Variants in KANSL3 observed in about 807,000 individuals in gnomAD.
The protein encoded by KANSL3 is NSL complex protein NSL3.
Under a neutral mutation model 89.2 loss-of-function variants are expected in KANSL3, and 16 were observed. That is an observed-to-expected ratio of 0.18 (90% CI 0.12 to 0.27). KANSL3 has a LOEUF of 0.27. Among genes scored for constraint, KANSL3 ranks in the 10% least tolerant of loss-of-function variants. The pLI is 1.00. For missense variants in KANSL3, 879 were observed against 1,110.6 expected (o/e 0.79, Z 2.96); for synonymous variants, 385 against 419.7 (o/e 0.92, Z 1.01).
At chr2:96,634,227 TAA>T (rs2073917903) in intron 2 of KANSL3, 2 of 152,150 alleles carry the variant, frequency 1.3e-5, no homozygotes, top group East Asian at 1.9e-4. Context: ...TTTCATATTT[TAA>T]AATGAGATCT....
intron 5 of KANSL3, among the ~76,000 whole-genome samples, chr2:96,616,899 G>C (rs190869665): frequency 1.3e-5 from 2 of 152,292 alleles, no homozygotes; most frequent in East Asian, 3.9e-4. Flanking sequence ...AACTTAAATA[G>C]GGCAGCAGTA....
At chr2:96,631,095 G>A (rs990379387) in intron 3 of KANSL3, among the ~76,000 whole-genome samples, 2 of 152,108 alleles carry the variant, frequency 1.3e-5, no homozygotes, top group South Asian at 2.1e-4. Flanking sequence ...GCCAGACAAC[G>A]TCCTAGTGTG....
intron 3 of KANSL3, among the ~76,000 whole-genome samples, chr2:96,623,672 C>G (rs2071743577): frequency 6.6e-6 from 1 of 152,134 alleles, no homozygotes; most frequent in South Asian, 2.1e-4. Context: ...TACCTAGGGA[C>G]AAGGGTTCTA....
At chr2:96,634,881 T>C (rs937541032) in intron 2 of KANSL3, among the ~76,000 whole-genome samples, 3 of 152,216 alleles carry the variant, frequency 2.0e-5, no homozygotes, top group African/African-American at 7.2e-5. Context: ...CCCTAACTCA[T>C]GGCACCACCC....
intron 3 of KANSL3, among the ~76,000 whole-genome samples, chr2:96,620,559 C>T (rs1017458265): frequency 2.1e-4 from 32 of 152,138 alleles, no homozygotes; most frequent in Non-Finnish European, 4.0e-4. Flanking sequence ...TGATATGGAG[C>T]TTATTATTGT....
chr2:96,631,529 G>A (rs754312468), intron 2 of KANSL3, 47 bp from the exon 3 acceptor site: 12 of 1,550,780 alleles, frequency 7.7e-6, no homozygotes. Context: ...TACTTCACAG[G>A]TATTTAACAA....
chr2:96,580,865 A>G, the KANSL3 span, among the ~76,000 whole-genome samples: 165 of 152,328 alleles, frequency 1.1e-3, no homozygotes, highest in African/African-American at 3.8e-3. Context: ...ATTCCAGCCC[A>G]TGAGATAACT....
chr2:96,601,653 G>A lies in KANSL3; in HGVS notation c.2606C>T (p.Ser869Phe), dbSNP rs553308221. 9 of 1,613,594 alleles carry A rather than the reference G, an allele frequency of 5.6e-6. No individual in the cohort carries two copies. The highest frequency in any genetic ancestry group is 3.3e-5 in the South Asian group (3 of 91,012). ...SEESSSQVLP[S>F]SSQRLPPAP Reference sequence around the variant, plus strand: ...TCCTGGCAGACTCACCTGTGAGCTGGAGGGCAGCACCTGGGAAGAGGACTC... The same window carrying A: ...TCCTGGCAGACTCACCTGTGAGCTGAAGGGCAGCACCTGGGAAGAGGACTC... Residue 869 changes from serine to phenylalanine, a missense_variant, in exon 20 of 21, where the codon TCC becomes TTC. By Grantham distance (155) the Ser-to-Phe change is radical. This residue lies in a region of KANSL3 where 61 missense variants were observed against 61.7 expected (regional missense o/e 0.99). Coordinates refer to ENST00000431828, the MANE Select transcript of KANSL3 (RefSeq NM_001115016.3).
intron 1 of KANSL3, 195 bp downstream of exon 1, chr2:96,638,088 G>C (rs2074513762): frequency 1.3e-5 from 2 of 152,548 alleles, no homozygotes; most frequent in African/African-American, 2.4e-5. Context: ...CCGCGTCACG[G>C]AGGCCCAGAC....
rs1176720184 is a variant in KANSL3, at chr2:96,608,576, C to T, written c.1673G>A (p.Gly558Glu). 1 of 1,613,930 alleles carries T rather than the reference C, an allele frequency of 6.2e-7. No homozygotes were observed. Among genetic ancestry groups the T allele is most frequent in the African/African-American group, 1.3e-5 (1 of 74,932 alleles). ...ATGTCTCTTCAGCAGCTGAGAACTT[C>T]CAATCTGACTGGACTTCTGGGCAGA... is the stretch of plus-strand genomic sequence containing the variant. ...VTSAQKSSQI[G>E]SSQLLKRHVQ... The change falls in exon 14 of 21, where the codon GGA becomes GAA. Residue 558 changes from glycine (G) to glutamate (E), a missense_variant. By Grantham distance (98) the Gly-to-Glu change is moderately conservative (BLOSUM62 -2). This residue lies in a region of KANSL3 where 317 missense variants were observed against 311.2 expected (regional missense o/e 1.02). Transcript: ENST00000431828.
intron 11 of KANSL3, among the ~76,000 whole-genome samples, chr2:96,610,046 G>A (rs1449607588): frequency 6.7e-6 from 1 of 149,412 alleles, no homozygotes; most frequent in Non-Finnish European, 1.5e-5. Flanking sequence ...AGGAGACATG[G>A]CAACTAAATC....
At chr2:96,630,590 AAATT>A (rs1291340885) in intron 3 of KANSL3, among the ~76,000 whole-genome samples, 1 of 152,256 alleles carries the variant, frequency 6.6e-6, no homozygotes, top group East Asian at 1.9e-4. Flanking sequence ...AATGTTTATC[AAATT>A]GATAGTGGTG....
Position 96,604,858 on chromosome 2 carries a change from C to G in KANSL3, c.1939G>C (p.Gly647Arg), listed in dbSNP as rs764572039. 6.3e-7 allele frequency: 1 copy of G among 1,590,812 alleles called. No homozygotes were observed. The highest frequency in any genetic ancestry group is 8.6e-7 in the Non-Finnish European group (1 of 1,168,644). The change falls in exon 16 of 21, where the codon GGT becomes CGT. Residue 647 changes from glycine to arginine, a missense_variant. Coordinates refer to ENST00000431828, the MANE Select transcript of KANSL3 (RefSeq NM_001115016.3). ...PSQGSAPEAA[G>R]GKPITMTLGQ... ...AGTGTCATGGTGATGGGCTTCCCAC[C>G]TGCAGCTTCAAAACAGAAAACCCCA...
At chr2:96,600,168 T>TA (rs1020645314) in intron 20 of KANSL3, among the ~76,000 whole-genome samples, 2 of 151,970 alleles carry the variant, frequency 1.3e-5, no homozygotes, top group African/African-American at 2.4e-5. Context: ...ACATGATTTA[T>TA]AAAAAAAGGC....
chr2:96,635,503 T>C (rs189522439), intron 2 of KANSL3, among the ~76,000 whole-genome samples: 3 of 152,136 alleles, frequency 2.0e-5, no homozygotes, highest in African/African-American at 7.2e-5. Flanking sequence ...GAAGCTAATA[T>C]GCAGCAAAAA....
chr2:96,614,978 G>T (rs957054785), intron 5 of KANSL3: 1 of 150,980 alleles, frequency 6.6e-6, no homozygotes, highest in South Asian at 2.1e-4. Context: ...CATTAAGTGG[G>T]ATAAAACAGA....
chr2:96,596,128 G>A (rs1432974846), intron 20 of KANSL3, among the ~76,000 whole-genome samples: 19 of 152,206 alleles, frequency 1.2e-4, no homozygotes, highest in Admixed American at 1.2e-3. Flanking sequence ...TAGGTGTGGG[G>A]GGATGCCATC....
At chr2:96,633,626 G>C (rs1197524335) in intron 2 of KANSL3, among the ~76,000 whole-genome samples, 5 of 150,852 alleles carry the variant, frequency 3.3e-5, no homozygotes. Context: ...AGCACTCTGG[G>C]AGGCAGAGGC....
intron 15 of KANSL3, 80 bp downstream of exon 15, chr2:96,605,240 G>T: frequency 8.1e-7 from 1 of 1,233,306 alleles, no homozygotes; most frequent in Non-Finnish European, 1.1e-6. Flanking sequence ...AGGCTGACAT[G>T]CTGGTGAATG....
Sources: allele counts gnomAD v4.1 joint callset (sites outside exome capture counted in the v4.1 genomes callset), GRCh38; gene constraint gnomAD v4.1.1; regional missense constraint gnomAD v4.1.1; transcripts MANE v1.5; gene names NCBI Gene and HGNC (gene_info 2026-07-23, HGNC 2026-07-21).